The following CLVS1 variants were observed in gnomAD, a reference collection of about 807,000 sequenced individuals.
The protein encoded by CLVS1 is clavesin 1, also known as clavesin-1.
A neutral mutation model predicts 33.1 loss-of-function variants in CLVS1; 10 were observed. The observed-to-expected ratio is 0.30, with a 90% confidence interval of 0.19 to 0.51. The LOEUF (loss-of-function observed/expected upper bound fraction) is 0.51, where lower values mean the gene tolerates loss of function less well. Ranked by LOEUF, CLVS1 falls within the 20% of genes least tolerant of loss-of-function variation. The pLI is 0.97. For synonymous variants in CLVS1, 163 were observed against 166.1 expected, an observed-to-expected ratio of 0.98 and a Z score of 0.14; for missense variants, 343 against 433.4, an observed-to-expected ratio of 0.79 and a Z score of 1.85.
intron 3 of CLVS1, among the ~76,000 whole-genome samples, chr8:61,424,662 A>C (rs750992096): frequency 2.0e-5 from 3 of 152,132 alleles, no homozygotes; most frequent in Non-Finnish European, 2.9e-5. Context: ...TATCCTGTTC[A>C]AGGGAGACTA....
At chr8:61,469,225 C>G (rs1054333052) in intron 5 of CLVS1, among the ~76,000 whole-genome samples, 1 of 152,218 alleles carries the variant, frequency 6.6e-6, no homozygotes, top group Non-Finnish European at 1.5e-5. Context: ...CAATATTACA[C>G]CATCTGTGCA....
At chr8:61,214,474 G>A (rs976367865) in intron 2 of CLVS1, among the ~76,000 whole-genome samples, 3 of 152,136 alleles carry the variant, frequency 2.0e-5, no homozygotes, top group African/African-American at 7.2e-5. Flanking sequence ...AAGAACCTAT[G>A]TGACTATCGG....
chr8:61,410,355 A>T (rs1214746773), intron 3 of CLVS1, among the ~76,000 whole-genome samples: 1 of 152,136 alleles, frequency 6.6e-6, no homozygotes, highest in African/African-American at 2.4e-5. Flanking sequence ...TGCCATATAT[A>T]CTTGTGTCTA....
chr8:61,497,223 C>T (rs1468900447), intron 5 of CLVS1, among the ~76,000 whole-genome samples: 1 of 152,122 alleles, frequency 6.6e-6, no homozygotes, highest in Non-Finnish European at 1.5e-5. Flanking sequence ...TTAAGACTGA[C>T]AGTTGTGGTT....
Position 61,211,194 on chromosome 8 carries a change from T to C in CLVS1, c.-152+79334T>C, listed in dbSNP as rs185027012. ...TGAGAAATGTGGGGGTCATATACAA[T>C]GGGCTGAGGAGTGAAGGTGGGATGA... is the stretch of plus-strand genomic sequence containing the variant. On this transcript the variant is annotated intron_variant, in intron 2 of 2. Transcript: ENST00000522621. Among the ~76,000 whole-genome samples, 291 of 152,202 alleles carry C rather than the reference T, an allele frequency of 1.9e-3. 1 individual carries two copies. The highest frequency in any genetic ancestry group is 6.6e-3 in the African/African-American group (276 of 41,538).
Position 61,477,830 on chromosome 8 carries a change from C to A in CLVS1, c.977+19288C>A, listed in dbSNP as rs989221402. Among the ~76,000 whole-genome samples the A allele has an allele frequency of 1.2e-4, 18 of 152,018 alleles. 1 individual carries two copies. The highest frequency in any genetic ancestry group is 2.4e-5 in the African/African-American group (1 of 41,352). On this transcript the variant is annotated intron_variant, in intron 5 of 5. Coordinates refer to ENST00000325897, the MANE Select transcript of CLVS1 (RefSeq NM_173519.3). ...CTGCTCTGATCTTAGTTATTTCTTG[C>A]CTTCTGCTAGCTTTTGAATGTGTTA...
intron 2 of CLVS1, among the ~76,000 whole-genome samples, chr8:61,355,949 A>C (rs1484106503): frequency 1.3e-5 from 2 of 152,242 alleles, no homozygotes; most frequent in Non-Finnish European, 2.9e-5. Flanking sequence ...TGGCTGAGTC[A>C]AATGGTATTT....
intron 2 of CLVS1, among the ~76,000 whole-genome samples, chr8:61,356,176 A>AT (rs529061913): frequency 6.6e-6 from 1 of 151,606 alleles, no homozygotes; most frequent in African/African-American, 2.4e-5. Flanking sequence ...GATGATGAGC[A>AT]TTTTTTCATG....
intron 1 of CLVS1, among the ~76,000 whole-genome samples, chr8:61,107,150 A>T (rs1471430599): frequency 6.6e-6 from 1 of 152,246 alleles, no homozygotes; most frequent in African/African-American, 2.4e-5. Flanking sequence ...AACCAGGACA[A>T]TTTGAAACTA....
chr8:61,467,589 A>T (rs1812117793), intron 5 of CLVS1, among the ~76,000 whole-genome samples: 1 of 152,108 alleles, frequency 6.6e-6, no homozygotes, highest in African/African-American at 2.4e-5. Flanking sequence ...TTATTATAGG[A>T]AGGGGCAGTG....
In CLVS1 at chr8:61,500,905, C is replaced by T. The variant is rs926628163; in HGVS notation, c.*1363C>T. On this transcript the variant is annotated 3_prime_UTR_variant, in exon 6 of 6. Transcript: ENST00000325897. ...AGATTATTCAACTGGTCATAATCACCCCTGATAATATTATTACTAATCTTA... is the reference window on the plus strand; with the variant it reads ...AGATTATTCAACTGGTCATAATCACTCCTGATAATATTATTACTAATCTTA... 3 of 151,842 alleles carry T rather than the reference C, an allele frequency of 2.0e-5. No individual in the cohort carries two copies. The highest frequency in any genetic ancestry group is 2.0e-4 in the Admixed American group (3 of 15,248). 9.4% of individuals were successfully genotyped at this position (151,842 alleles called of 1,614,324 possible).
chr8:61,489,036 G>A (rs1208850613), intron 5 of CLVS1, among the ~76,000 whole-genome samples: 2 of 152,198 alleles, frequency 1.3e-5, no homozygotes. Context: ...ACATTTAGAA[G>A]ACAGGATCTT....
chr8:61,186,953 G>C (rs184946236), intron 2 of CLVS1, among the ~76,000 whole-genome samples: 32 of 152,266 alleles, frequency 2.1e-4, no homozygotes, highest in African/African-American at 7.0e-4. Flanking sequence ...AGGTGGGTAG[G>C]TCTGAGAGTG....
At chr8:61,201,084 A>G (rs568860805) in intron 2 of CLVS1, among the ~76,000 whole-genome samples, 1 of 152,276 alleles carries the variant, frequency 6.6e-6, no homozygotes, top group Non-Finnish European at 1.5e-5. Flanking sequence ...TGCCCCTATA[A>G]CTCACACACA....
In CLVS1 at chr8:61,299,686, G is replaced by T; in HGVS notation, c.-142G>T. 3 of 599,802 alleles carry T rather than the reference G, an allele frequency of 5.0e-6. No homozygotes were observed. The highest frequency in any genetic ancestry group is 2.2e-5 in the South Asian group (1 of 45,764). The allele number at this position is 599,802 out of a possible 1,614,324, so 37.2% of individuals were successfully genotyped here. A position where few individuals can be genotyped will look rare whatever the true frequency, so the allele number is the denominator to read the frequency against. On this transcript the variant is annotated 5_prime_UTR_variant, in exon 2 of 6. Transcript: ENST00000325897. ...TGTATTTGTTTTTCAGTAAGCAATGGCCTCAGTTTTGCTTCTGTTTTGGAT... is the reference window on the plus strand; with the variant it reads ...TGTATTTGTTTTTCAGTAAGCAATGTCCTCAGTTTTGCTTCTGTTTTGGAT...
At chr8:61,375,496 C>T (rs986092991) in intron 2 of CLVS1, among the ~76,000 whole-genome samples, 2 of 152,176 alleles carry the variant, frequency 1.3e-5, no homozygotes, top group Non-Finnish European at 2.9e-5. Context: ...GGTGATCTGC[C>T]TGCTTCGGCC....
At chr8:61,107,815 T>C (rs1805564359) in intron 1 of CLVS1, among the ~76,000 whole-genome samples, 1 of 152,250 alleles carries the variant, frequency 6.6e-6, no homozygotes, top group Non-Finnish European at 1.5e-5. Context: ...GTTTTCAGAA[T>C]TCAAATTATT....
intron 3 of CLVS1, among the ~76,000 whole-genome samples, chr8:61,399,310 GTGTT>G (rs2129603468): frequency 6.6e-6 from 1 of 152,198 alleles, no homozygotes; most frequent in African/African-American, 2.4e-5. Flanking sequence ...TGTTTTTCAT[GTGTT>G]TGTTGGCCAC....
intron 2 of CLVS1, among the ~76,000 whole-genome samples, chr8:61,240,968 G>A (rs970393223): frequency 6.2e-5 from 9 of 146,268 alleles, no homozygotes; most frequent in Non-Finnish European, 1.2e-4. Flanking sequence ...CCATAGACTG[G>A]GTGGCTCATA....
Sources: allele counts gnomAD v4.1 joint callset (sites outside exome capture counted in the v4.1 genomes callset), GRCh38; gene constraint gnomAD v4.1.1; transcripts MANE v1.5; gene names NCBI Gene and HGNC (gene_info 2026-07-23, HGNC 2026-07-21).